DIAPH3: variants seen among roughly 807,000 people sequenced by gnomAD.
DIAPH3 encodes the protein diaphanous related formin 3.
Under a neutral mutation model 144.3 loss-of-function variants are expected in DIAPH3, and 117 were observed. The observed-to-expected ratio is 0.81, with a 90% confidence interval of 0.70 to 0.95. DIAPH3 has a LOEUF of 0.95. Ranked by LOEUF, DIAPH3 falls within the 40% of genes least tolerant of loss-of-function variation. The pLI, the probability that DIAPH3 is intolerant of heterozygous loss-of-function variation, is 0.00. For synonymous variants in DIAPH3, 519 were observed against 488.9 expected, an observed-to-expected ratio of 1.06 and a Z score of -0.81; for missense variants, 1,421 against 1,412.7, an observed-to-expected ratio of 1.01 and a Z score of -0.09.
intron 27 of DIAPH3, among the ~76,000 whole-genome samples, chr13:59,685,714 A>C (rs1245564913): frequency 1.3e-5 from 2 of 152,134 alleles, no homozygotes. Context: ...AGAGATGATA[A>C]ATAGAGATGG....
chr13:59,957,219 G>A (rs1014440619), intron 17 of DIAPH3, among the ~76,000 whole-genome samples: 1 of 152,036 alleles, frequency 6.6e-6, no homozygotes, highest in East Asian at 1.9e-4. Flanking sequence ...GGAATGATAT[G>A]GTTTGGCTGT....
chr13:59,899,110 G>T (rs1451132285), intron 20 of DIAPH3, among the ~76,000 whole-genome samples: 1 of 152,096 alleles, frequency 6.6e-6, no homozygotes, highest in Non-Finnish European at 1.5e-5. Flanking sequence ...GTTTGCCAGG[G>T]GCTCTCAGGC....
chr13:60,126,895 AT>A (rs1222787166), intron 2 of DIAPH3, among the ~76,000 whole-genome samples: 1 of 152,172 alleles, frequency 6.6e-6, no homozygotes, highest in Non-Finnish European at 1.5e-5. Flanking sequence ...AATTTATAGC[AT>A]AAAAAATCTA....
intron 4 of DIAPH3, among the ~76,000 whole-genome samples, chr13:60,065,091 C>T (rs1278082787): frequency 6.6e-6 from 1 of 151,962 alleles, no homozygotes; most frequent in Non-Finnish European, 1.5e-5. Context: ...GATCACAGAT[C>T]AGCATAACAG....
intron 27 of DIAPH3, among the ~76,000 whole-genome samples, chr13:59,689,588 C>A (rs1271967760): frequency 6.6e-6 from 1 of 152,006 alleles, no homozygotes; most frequent in East Asian, 1.9e-4. Flanking sequence ...AAGCAAAATT[C>A]TGAGTAAGAA....
At chr13:60,071,083 A>G (rs1262829611) in intron 4 of DIAPH3, among the ~76,000 whole-genome samples, 8 of 152,218 alleles carry the variant, frequency 5.3e-5, no homozygotes, top group Non-Finnish European at 1.2e-4. Flanking sequence ...AAAGTTATGG[A>G]TACAATGGCT....
At chr13:60,143,377 T>C (rs1227641491) in intron 1 of DIAPH3, among the ~76,000 whole-genome samples, 1 of 152,168 alleles carries the variant, frequency 6.6e-6, no homozygotes, top group Non-Finnish European at 1.5e-5. Flanking sequence ...TGTGTGATCT[T>C]GAGCACTTAA....
At chr13:59,960,652 CTG>C (rs1210779434) in intron 17 of DIAPH3, among the ~76,000 whole-genome samples, 1 of 151,940 alleles carries the variant, frequency 6.6e-6, no homozygotes, top group Non-Finnish European at 1.5e-5. Flanking sequence ...ATGTAAATAA[CTG>C]TCAAAAATAA....
At chr13:59,886,508 G>A (rs2045461687) in intron 20 of DIAPH3, among the ~76,000 whole-genome samples, 1 of 152,018 alleles carries the variant, frequency 6.6e-6, no homozygotes, top group East Asian at 1.9e-4. Flanking sequence ...AAAACCTGCT[G>A]AGATTTTGAT....
rs2058713371 is a variant in DIAPH3 at position 60,116,686 on chromosome 13, T to C, written c.214-4500A>G. On this transcript the variant is annotated intron_variant, in intron 2 of 27. Coordinates refer to ENST00000400324, the MANE Select transcript of DIAPH3 (RefSeq NM_001042517.2). ...ATTAATGCAACATCAATATTATAAATGTAAACATGTCAATAAATGGGAATA... is the reference window on the plus strand; with the variant it reads ...ATTAATGCAACATCAATATTATAAACGTAAACATGTCAATAAATGGGAATA... 2.6e-5 allele frequency among the ~76,000 whole-genome samples: 4 copies of C among 151,970 alleles called. No individual in the cohort carries two copies. In the South Asian group the frequency reaches 8.3e-4, roughly 31 times the overall value.
At chr13:60,112,328 A>G in intron 2 of DIAPH3, 142 bp from the exon 3 acceptor site, 4 of 977,088 alleles carry the variant, frequency 4.1e-6, no homozygotes, top group Non-Finnish European at 6.0e-6. Flanking sequence ...GGAATATTTA[A>G]AATTAATAAT....
chr13:59,896,147 T>A (rs1015694176), intron 20 of DIAPH3, among the ~76,000 whole-genome samples: 2 of 152,180 alleles, frequency 1.3e-5, no homozygotes, highest in Non-Finnish European at 2.9e-5. Flanking sequence ...GCTTATGGCA[T>A]GTGGAGGAGG....
chr13:60,042,946 G>A, intron 4 of DIAPH3, 126 bp from the exon 5 acceptor site: 1 of 1,097,542 alleles, frequency 9.1e-7, no homozygotes, highest in East Asian at 2.7e-5. Flanking sequence ...GGCAAGGGTG[G>A]TAAATAATTT....
At chr13:59,926,288 A>C (rs1415151399) in intron 17 of DIAPH3, among the ~76,000 whole-genome samples, 1 of 151,890 alleles carries the variant, frequency 6.6e-6, no homozygotes, top group African/African-American at 2.4e-5. Context: ...TCACCCAGCA[A>C]TGTGTCTTCT....
At position 60,017,640 on chromosome 13, in the gene DIAPH3, T is replaced by A. The variant is rs182685089; in HGVS notation, c.627-1495A>T. ...AATACAACTTGACACCTATCAATGT[T>A]GAGGATTTCTGATTTTACAAAAAAG... On this transcript the variant is annotated intron_variant, in intron 5 of 27. Transcript: ENST00000400324. Among the ~76,000 whole-genome samples the A allele has an allele frequency of 1.4e-4, 21 of 152,292 alleles. 1 individual carries two copies. The highest frequency in any genetic ancestry group is 3.4e-3 in the Middle Eastern group (1 of 294).
chr13:60,122,537 TTTG>T (rs2058873464), intron 2 of DIAPH3, among the ~76,000 whole-genome samples: 1 of 152,202 alleles, frequency 6.6e-6, no homozygotes, highest in Non-Finnish European at 1.5e-5. Flanking sequence ...TATATTAATA[TTTG>T]TTAAGTGAAT....
intron 17 of DIAPH3, among the ~76,000 whole-genome samples, chr13:59,928,023 T>A (rs2140316409): frequency 1.3e-5 from 2 of 152,238 alleles, no homozygotes; most frequent in East Asian, 3.9e-4. Context: ...AAAACACAAA[T>A]ATATATTTGC....
At chr13:60,087,399 T>C (rs1418398670) in intron 4 of DIAPH3, among the ~76,000 whole-genome samples, 1 of 152,164 alleles carries the variant, frequency 6.6e-6, no homozygotes, top group African/African-American at 2.4e-5. Context: ...CAAAATACTT[T>C]TAAACACTAT....
At chr13:59,732,549 C>T (rs1351301874) in intron 27 of DIAPH3, among the ~76,000 whole-genome samples, 1 of 151,690 alleles carries the variant, frequency 6.6e-6, no homozygotes, top group Non-Finnish European at 1.5e-5. Flanking sequence ...TAAGGTGATC[C>T]TCCCACCTCA....
Sources: allele counts gnomAD v4.1 joint callset (sites outside exome capture counted in the v4.1 genomes callset), GRCh38; gene constraint gnomAD v4.1.1; transcripts MANE v1.5; gene names NCBI Gene and HGNC (gene_info 2026-07-23, HGNC 2026-07-21).